Variants in RNF38 observed in about 807,000 individuals in gnomAD.
RNF38 encodes ring finger protein 38, also known as E3 ubiquitin-protein ligase RNF38.
A neutral mutation model predicts 67.2 loss-of-function variants in RNF38; 15 were observed. The observed-to-expected ratio is 0.22, with a 90% CI of 0.15 to 0.34. RNF38 has a LOEUF of 0.34. Ranked by LOEUF, RNF38 falls within the 10% of genes least tolerant of loss-of-function variation. RNF38 has a pLI of 1.00. For missense variants in RNF38, 524 were observed against 639.9 expected (o/e 0.82, Z 1.95); for synonymous variants, 220 against 218.8 (o/e 1.01, Z -0.05).
chr9:36,438,041 G>A (rs1839109178), intron 1 of RNF38, among the ~76,000 whole-genome samples: 1 of 152,156 alleles, frequency 6.6e-6, no homozygotes, highest in Non-Finnish European at 1.5e-5. Flanking sequence ...AACCTCCTGG[G>A]CTCAGTCTTC....
upstream of RNF38, among the ~76,000 whole-genome samples, chr9:36,405,379 T>C (rs1199892498): frequency 6.6e-6 from 1 of 152,226 alleles, no homozygotes; most frequent in Non-Finnish European, 1.5e-5. Flanking sequence ...TTGGGGGTGT[T>C]AGGAATTCAC....
At chr9:36,418,797 A>G (rs1239960940) in intron 2 of RNF38, among the ~76,000 whole-genome samples, 1 of 149,942 alleles carries the variant, frequency 6.7e-6, no homozygotes, top group Non-Finnish European at 1.5e-5. Flanking sequence ...AAAAACAACA[A>G]CAACAACAAC....
intron 1 of RNF38, among the ~76,000 whole-genome samples, chr9:36,395,652 G>C (rs1330828691): frequency 6.6e-6 from 1 of 152,126 alleles, no homozygotes; most frequent in East Asian, 1.9e-4. Flanking sequence ...TAATTAGGTA[G>C]ATTAATAATT....
chr9:36,417,563 G>A (rs1838508725), intron 2 of RNF38, among the ~76,000 whole-genome samples: 5 of 152,026 alleles, frequency 3.3e-5, no homozygotes, highest in Admixed American at 3.3e-4. Flanking sequence ...CCAGGCGGGA[G>A]TGCAGTGGTG....
chr9:36,478,253 A>C (rs1485034625), intron 1 of RNF38, among the ~76,000 whole-genome samples: 1 of 150,830 alleles, frequency 6.6e-6, no homozygotes, highest in Non-Finnish European at 1.5e-5. Flanking sequence ...AAATACAAAA[A>C]ATTACCCGGG....
At chr9:36,393,655 T>C (rs983729457) in intron 1 of RNF38, among the ~76,000 whole-genome samples, 1 of 151,916 alleles carries the variant, frequency 6.6e-6, no homozygotes, top group Non-Finnish European at 1.5e-5. Flanking sequence ...GGTTAAATCA[T>C]ATGACAAAGG....
intron 2 of RNF38, among the ~76,000 whole-genome samples, chr9:36,410,699 T>G (rs1206519838): frequency 6.6e-6 from 1 of 152,224 alleles, no homozygotes; most frequent in Non-Finnish European, 1.5e-5. Context: ...CTCTTTTCTT[T>G]CAACAACCCT....
chr9:36,466,027 G>A (rs1839854609), intron 1 of RNF38, among the ~76,000 whole-genome samples: 1 of 152,162 alleles, frequency 6.6e-6, no homozygotes. Flanking sequence ...ACTTGAGCCT[G>A]GGCAACAGTG....
At chr9:36,429,372 A>C (rs1477559088) in intron 1 of RNF38, among the ~76,000 whole-genome samples, 1 of 152,194 alleles carries the variant, frequency 6.6e-6, no homozygotes, top group Non-Finnish European at 1.5e-5. Context: ...AGTGGATACC[A>C]AACTCTGCAG....
chr9:36,415,532 C>T (rs2134212745), intron 2 of RNF38, among the ~76,000 whole-genome samples: 1 of 152,224 alleles, frequency 6.6e-6, no homozygotes, highest in East Asian at 1.9e-4. Flanking sequence ...ATGGTGCTCT[C>T]CCCCTTCCCC....
rs116672373 is a variant in RNF38 at position 36,349,876 on chromosome 9, A to G, written c.1263+1239T>C. 2.8e-3 allele frequency among the ~76,000 whole-genome samples: 432 copies of G among 152,192 alleles called. 3 individuals are homozygous for G. Among genetic ancestry groups the G allele is most frequent in the African/African-American group, 9.8e-3 (405 of 41,510 alleles). On this transcript the variant is annotated intron_variant, in intron 9 of 11. Transcript: ENST00000259605. ...AACATTTCTTTTTTCTTTTTCAGAC[A>G]GTCTTGCTCTGTCACTCAGCCCGGA... is the stretch of plus-strand genomic sequence containing the variant.
At chr9:36,417,348 T>A (rs1008398977) in intron 2 of RNF38, among the ~76,000 whole-genome samples, 8 of 152,210 alleles carry the variant, frequency 5.3e-5, no homozygotes, top group Non-Finnish European at 1.0e-4. Context: ...CTCCACACAC[T>A]GTTTTGTCCA....
chr9:36,424,648 G>A (rs1194027746), exon 2 of RNF38: 2 of 985,682 alleles, frequency 2.0e-6, no homozygotes, highest in Non-Finnish European at 2.4e-6. Context: ...TGGTCGTGAT[G>A]GATGGACTGG....
intron 2 of RNF38, among the ~76,000 whole-genome samples, chr9:36,416,214 AGGATGGG>A (rs1838465265): frequency 1.4e-5 from 1 of 70,028 alleles, no homozygotes; most frequent in South Asian, 4.7e-4. Flanking sequence ...GGGAGATGGG[AGGATGGG>A]GGATGGGGGT....
Position 36,342,433 on chromosome 9 carries a change from A to G in RNF38, c.1386-9T>C, listed in dbSNP as rs1394089856. The stretch of plus-strand genomic sequence containing the variant: ...ACATGCATACTACACACCTAAAAAA[A>G]GCAAAAAGATCATTTAACCACAAAA... On this transcript the variant is annotated splice_polypyrimidine_tract_variant and intron_variant, in intron 10 of 11. Coordinates refer to ENST00000259605, the MANE Select transcript of RNF38 (RefSeq NM_022781.5). 1 of 1,576,672 alleles carries G rather than the reference A, an allele frequency of 6.3e-7. No individual in the cohort carries two copies. Among genetic ancestry groups the G allele is most frequent in the East Asian group, 2.2e-5 (1 of 44,668 alleles).
At chr9:36,370,227 CT>C (rs1487936586) in intron 3 of RNF38, among the ~76,000 whole-genome samples, 1 of 152,078 alleles carries the variant, frequency 6.6e-6, no homozygotes, top group Non-Finnish European at 1.5e-5. Context: ...GAAAAATAGT[CT>C]AATAGCAACA....
Position 36,344,910 on chromosome 9 carries a change from C to A in RNF38, c.1307G>T (p.Arg436Leu). The A allele has an allele frequency of 6.2e-7, 1 of 1,613,994 alleles. No individual in the cohort carries two copies. The highest frequency in any genetic ancestry group is 8.5e-7 in the Non-Finnish European group (1 of 1,179,838). Residue 436 changes from arginine (R) to leucine (L), a missense_variant, in exon 10 of 12, where the codon CGT becomes CTT. Physicochemically the swap from Arg to Leu is moderately radical, Grantham distance 102 (BLOSUM62 -2). Coordinates refer to ENST00000259605, the MANE Select transcript of RNF38 (RefSeq NM_022781.5). ...LAERLGEAKPRGLTKADIEQL... is the reference protein window; with the variant it reads ...LAERLGEAKPLGLTKADIEQL... ...TTCAATATCTGCTTTAGTCAGTCCA[C>A]GAGGCTTTGCCTCTCCCAGTCGCTC...
chr9:36,367,031 G>A (rs906779267), intron 4 of RNF38, among the ~76,000 whole-genome samples: 1 of 152,196 alleles, frequency 6.6e-6, no homozygotes, highest in Non-Finnish European at 1.5e-5. Context: ...CTAGTGACCA[G>A]ATATCCCTGT....
At chr9:36,351,235 T>C (rs764853133) in intron 8 of RNF38, 36 bp from the exon 9 acceptor site, 6 of 1,422,002 alleles carry the variant, frequency 4.2e-6, no homozygotes, top group Non-Finnish European at 5.9e-6. Flanking sequence ...ATTGATATGT[T>C]AGTACATTAA....
Sources: gnomAD v4.1 joint callset for allele counts (sites outside exome capture counted in the v4.1 genomes callset) on GRCh38, gnomAD v4.1.1 for gene constraint, MANE v1.5 for transcripts, NCBI Gene and HGNC (gene_info 2026-07-23, HGNC 2026-07-21) for gene names.